The following TMEM178B variants were observed in gnomAD, a reference collection of about 807,000 sequenced individuals.
The protein encoded by TMEM178B is transmembrane protein 178B.
TMEM178B carries 5 observed loss-of-function variants against 31.0 expected under a neutral mutation model. The ratio of observed to expected loss-of-function variants is 0.16; its 90% CI spans 0.08 to 0.34. The LOEUF (loss-of-function observed/expected upper bound fraction) is 0.34. Among genes scored for constraint, TMEM178B ranks in the 10% least tolerant of loss-of-function variants. TMEM178B has a pLI of 1.00. For synonymous variants in TMEM178B, 164 were observed against 164.0 expected (o/e 1.00, Z 0.00); for missense variants, 275 against 400.3 (o/e 0.69, Z 2.67).
chr7:141,294,422 A>G (rs948777818), intron 2 of TMEM178B, among the ~76,000 whole-genome samples: 10 of 152,184 alleles, frequency 6.6e-5, no homozygotes, highest in African/African-American at 2.4e-4. Context: ...TCTCTCTGAC[A>G]GCCTCTGGTG....
At chr7:141,104,213 T>C (rs1469072018) in intron 1 of TMEM178B, among the ~76,000 whole-genome samples, 1 of 152,130 alleles carries the variant, frequency 6.6e-6, no homozygotes, top group Non-Finnish European at 1.5e-5. Flanking sequence ...TTTACCTCAC[T>C]TGGAGACTGA....
chr7:141,079,403 C>T (rs1205560629), intron 1 of TMEM178B, among the ~76,000 whole-genome samples: 4 of 152,190 alleles, frequency 2.6e-5, no homozygotes, highest in African/African-American at 9.7e-5. Flanking sequence ...AGTGAACATT[C>T]CCACCATCGG....
intron 2 of TMEM178B, among the ~76,000 whole-genome samples, chr7:141,265,378 C>T (rs528704471): frequency 6.6e-6 from 1 of 152,238 alleles, no homozygotes; most frequent in Admixed American, 6.5e-5. Context: ...CCTCAAGGGA[C>T]TCCCTGGCTC....
chr7:141,268,272 T>A (rs1483461316), intron 2 of TMEM178B, among the ~76,000 whole-genome samples: 2 of 152,198 alleles, frequency 1.3e-5, no homozygotes, highest in African/African-American at 2.4e-5. Context: ...AGAACAAGCA[T>A]CAAATTTATG....
At chr7:141,433,253 C>T (rs1801471114) in intron 2 of TMEM178B, among the ~76,000 whole-genome samples, 1 of 152,158 alleles carries the variant, frequency 6.6e-6, no homozygotes, top group South Asian at 2.1e-4. Context: ...AATCTAGATC[C>T]ATCTTAAATA....
chr7:141,097,556 C>A (rs773016984), intron 1 of TMEM178B, among the ~76,000 whole-genome samples: 20 of 151,912 alleles, frequency 1.3e-4, no homozygotes, highest in Non-Finnish European at 8.8e-5. Context: ...GGTTACTATT[C>A]AAAAATTGAA....
chr7:141,285,150 GTTTCTTT>G (rs1798426122), intron 2 of TMEM178B, among the ~76,000 whole-genome samples: 1 of 78,962 alleles, frequency 1.3e-5, no homozygotes, highest in Non-Finnish European at 2.6e-5. Context: ...CAGGATTCTT[GTTTCTTT>G]TTTTTTTTTT....
intron 2 of TMEM178B, among the ~76,000 whole-genome samples, chr7:141,263,326 G>C (rs968298703): frequency 6.6e-6 from 1 of 152,158 alleles, no homozygotes; most frequent in Non-Finnish European, 1.5e-5. Context: ...CAGTGGAATA[G>C]TGGCGATAAC....
At chr7:141,210,005 G>A (rs1266596033) in intron 1 of TMEM178B, among the ~76,000 whole-genome samples, 2 of 152,224 alleles carry the variant, frequency 1.3e-5, no homozygotes, top group East Asian at 3.9e-4. Flanking sequence ...GCCTGTGAAC[G>A]GGGTGTGACA....
chr7:141,504,793 G>A, the TMEM178B span, among the ~76,000 whole-genome samples: 1 of 152,166 alleles, frequency 6.6e-6, no homozygotes, highest in Admixed American at 6.5e-5. Flanking sequence ...CCATCACCTG[G>A]GTAGTGTATA....
At position 141,074,581 on chromosome 7, in the gene TMEM178B, A is replaced by C. The variant is rs1372813578; in HGVS notation, c.271A>C (p.Met91Leu). The change falls in exon 1 of 4, where the codon ATG becomes CTG. Residue 91 changes from methionine (M) to leucine (L), a missense_variant. Physicochemically the swap from Met to Leu is conservative, Grantham distance 15. Coordinates refer to ENST00000565468, the MANE Select transcript of TMEM178B (RefSeq NM_001195278.2). The surrounding 1 kb of genome is among the most constrained non-coding windows in gnomAD (Gnocchi z 5.1). ...CCGGAATCGCCGGCAGCTGTTCGCCATGAGCCCCGCGGACGAGTGCAGCCG... is the reference window on the plus strand; with the variant it reads ...CCGGAATCGCCGGCAGCTGTTCGCCCTGAGCCCCGCGGACGAGTGCAGCCG... ...RARNRRQLFA[M>L]SPADECSRQY... The C allele has an allele frequency of 6.5e-6, 10 of 1,535,904 alleles. No homozygotes were observed. In the East Asian group the frequency reaches 2.4e-4, roughly 38 times the overall value.
rs562261767 is a variant in TMEM178B, at chr7:141,389,863, C to T, written c.497-47745C>T. Among the ~76,000 whole-genome samples, 492 of 152,284 alleles carry T rather than the reference C, an allele frequency of 3.2e-3. 2 individuals carry two copies. The highest frequency in any genetic ancestry group is 5.7e-3 in the Non-Finnish European group (386 of 68,018). On this transcript the variant is annotated intron_variant, in intron 2 of 3. Coordinates refer to ENST00000565468, the MANE Select transcript of TMEM178B (RefSeq NM_001195278.2). The stretch of plus-strand genomic sequence containing the variant: ...TGACCCCGGTCTTTCAGAGGGGTGA[C>T]TGGCATGAGCACCTCGAAGGTCTGC...
intron 2 of TMEM178B, among the ~76,000 whole-genome samples, chr7:141,221,356 T>C (rs904049565): frequency 3.9e-5 from 6 of 152,194 alleles, no homozygotes; most frequent in African/African-American, 7.2e-5. Flanking sequence ...GCACTCTGGC[T>C]GGCAGAAACA....
chr7:141,377,135 C>T (rs1800229022), intron 2 of TMEM178B, among the ~76,000 whole-genome samples: 1 of 151,754 alleles, frequency 6.6e-6, no homozygotes, highest in African/African-American at 2.4e-5. Flanking sequence ...TTGTAATTTT[C>T]TGTAATCCAT....
intron 2 of TMEM178B, among the ~76,000 whole-genome samples, chr7:141,221,833 C>T (rs899551567): frequency 6.6e-6 from 1 of 152,190 alleles, no homozygotes; most frequent in Admixed American, 6.5e-5. Flanking sequence ...GTCCTACCAG[C>T]GTCAAGGGCA....
chr7:141,235,527 A>C (rs1418450038), intron 2 of TMEM178B, among the ~76,000 whole-genome samples: 1 of 152,244 alleles, frequency 6.6e-6, no homozygotes, highest in Non-Finnish European at 1.5e-5. Flanking sequence ...ATTTGAGGTC[A>C]TCTAATCTAA....
chr7:141,294,671 C>T (rs1014706469), intron 2 of TMEM178B, among the ~76,000 whole-genome samples: 1 of 152,162 alleles, frequency 6.6e-6, no homozygotes, highest in Non-Finnish European at 1.5e-5. Context: ...TCAGCAAAAA[C>T]AAAGTTGGTT....
Position 141,458,866 on chromosome 7 carries a change from G to A in TMEM178B, c.635-11670G>A, listed in dbSNP as rs556454408. Among the ~76,000 whole-genome samples, 277 of 152,288 alleles carry A rather than the reference G, an allele frequency of 1.8e-3. 2 individuals are homozygous for A. The highest frequency in any genetic ancestry group is 0.017 in the Middle Eastern group (5 of 294). On this transcript the variant is annotated intron_variant, in intron 3 of 3. Transcript: ENST00000565468. ...TGTACGTGCATGGGTGCATGCACCT[G>A]TGCGCACGCACACACACACACATAC...
chr7:141,501,952 A>C, the TMEM178B span, among the ~76,000 whole-genome samples: 141 of 152,254 alleles, frequency 9.3e-4, no homozygotes, highest in East Asian at 2.1e-3. Context: ...TTCCACTCCT[A>C]TACTCAAGGA....
Sources: allele counts gnomAD v4.1 joint callset (sites outside exome capture counted in the v4.1 genomes callset), GRCh38; gene constraint gnomAD v4.1.1; non-coding constraint Gnocchi (gnomAD v3.1); transcripts MANE v1.5; gene names NCBI Gene and HGNC (gene_info 2026-07-23, HGNC 2026-07-21).